DAB1: variants seen among roughly 807,000 people sequenced by gnomAD.
The protein encoded by DAB1 is DAB adaptor protein 1.
Under a neutral mutation model 64.6 loss-of-function variants are expected in DAB1, and 15 were observed. That is an observed-to-expected ratio of 0.23 (90% CI 0.16 to 0.36). The LOEUF (loss-of-function observed/expected upper bound fraction) is 0.36, where lower values mean the gene tolerates loss of function less well. DAB1 is among the 10% of genes least tolerant of loss of function. The pLI, the probability that DAB1 is intolerant of heterozygous loss-of-function variation, is 1.00. For missense variants in DAB1, 596 were observed against 706.7 expected (o/e 0.84, Z 1.78); for synonymous variants, 235 against 251.9 (o/e 0.93, Z 0.64).
chr1:57,690,134 A>G (rs1460219069), intron 6 of DAB1, among the ~76,000 whole-genome samples: 1 of 152,042 alleles, frequency 6.6e-6, no homozygotes, highest in Non-Finnish European at 1.5e-5. Context: ...AAAAGTACCC[A>G]TATTTTCTTT....
At chr1:57,661,251 C>T (rs1646383292) in intron 6 of DAB1, among the ~76,000 whole-genome samples, 1 of 152,192 alleles carries the variant, frequency 6.6e-6, no homozygotes, top group Non-Finnish European at 1.5e-5. Context: ...AGTGCAGGCA[C>T]TGTAGTGTAG....
chr1:58,215,999 G>C (rs1658828603), intron 4 of DAB1, among the ~76,000 whole-genome samples: 1 of 151,898 alleles, frequency 6.6e-6, no homozygotes. Flanking sequence ...ATGGATGGAT[G>C]GGTCAACAGA....
chr1:58,219,975 A>G (rs1659072447), intron 4 of DAB1, among the ~76,000 whole-genome samples: 1 of 152,262 alleles, frequency 6.6e-6, no homozygotes, highest in Non-Finnish European at 1.5e-5. Flanking sequence ...AATGATCCTC[A>G]GTTTCCTCAT....
At chr1:57,618,458 C>G (rs548497310) in intron 7 of DAB1, among the ~76,000 whole-genome samples, 1 of 149,516 alleles carries the variant, frequency 6.7e-6, no homozygotes, top group South Asian at 2.1e-4. Context: ...ACAAGTCTTC[C>G]TTTAGGGGTT....
chr1:57,108,907 T>C (rs1292332474), intron 4 of DAB1, among the ~76,000 whole-genome samples: 1 of 152,222 alleles, frequency 6.6e-6, no homozygotes, highest in Non-Finnish European at 1.5e-5. Context: ...GCCACCTGAC[T>C]GGTCACTGTC....
chr1:58,111,523 A>AT (rs892798901), intron 5 of DAB1, among the ~76,000 whole-genome samples: 2 of 152,174 alleles, frequency 1.3e-5, no homozygotes, highest in Non-Finnish European at 2.9e-5. Context: ...GGGATTTGAT[A>AT]TTTTTTCCAA....
intron 4 of DAB1, among the ~76,000 whole-genome samples, chr1:58,315,260 G>T (rs1354170799): frequency 6.6e-6 from 1 of 152,176 alleles, no homozygotes; most frequent in Admixed American, 6.5e-5. Flanking sequence ...CATACTGGCA[G>T]TAGGACCATG....
At chr1:58,380,323 C>T (rs943107040) in intron 3 of DAB1, among the ~76,000 whole-genome samples, 1 of 152,220 alleles carries the variant, frequency 6.6e-6, no homozygotes, top group African/African-American at 2.4e-5. Flanking sequence ...CTCTCTCTCA[C>T]CTGCCTCCAC....
chr1:57,899,657 T>A (rs1644444050), intron 5 of DAB1, among the ~76,000 whole-genome samples: 1 of 151,950 alleles, frequency 6.6e-6, no homozygotes, highest in African/African-American at 2.4e-5. Flanking sequence ...CAACAAGGAT[T>A]CCTTGTTTTC....
intron 9 of DAB1, among the ~76,000 whole-genome samples, chr1:57,057,196 C>T (rs1222494612): frequency 6.6e-6 from 1 of 151,784 alleles, no homozygotes; most frequent in Non-Finnish European, 1.5e-5. Flanking sequence ...GTAGAGAAGG[C>T]AACAAAAAAC....
chr1:57,294,476 A>G (rs74962740), intron 1 of DAB1, among the ~76,000 whole-genome samples: 1 of 144,012 alleles, frequency 6.9e-6, no homozygotes. Context: ...TTTTTTTTTT[A>G]AACAAAGCAT....
intron 5 of DAB1, among the ~76,000 whole-genome samples, chr1:57,963,883 C>T (rs1484049218): frequency 2.6e-5 from 4 of 152,182 alleles, no homozygotes; most frequent in Admixed American, 6.5e-5. Flanking sequence ...TGACAGCAAA[C>T]AAGTCACATA....
chr1:57,412,233 T>C (rs495678), intron 1 of DAB1, among the ~76,000 whole-genome samples: 2,366 of 152,310 alleles, frequency 0.016, 64 homozygotes, highest in African/African-American at 0.053. Flanking sequence ...CCCCTTCCTC[T>C]GGCCTCCCAA....
intron 4 of DAB1, among the ~76,000 whole-genome samples, chr1:58,261,062 G>A (rs989358496): frequency 2.0e-5 from 3 of 151,726 alleles, no homozygotes; most frequent in South Asian, 2.1e-4. Context: ...TATTTTTCTC[G>A]GGCTTATCAA....
chr1:58,403,661 G>A (rs2100565694), intron 3 of DAB1, among the ~76,000 whole-genome samples: 1 of 152,334 alleles, frequency 6.6e-6, no homozygotes. Context: ...GGAAGGGCAG[G>A]TATCCCACTT....
At chr1:58,344,283 A>G (rs1222269098) in intron 3 of DAB1, among the ~76,000 whole-genome samples, 1 of 152,200 alleles carries the variant, frequency 6.6e-6, no homozygotes, top group Non-Finnish European at 1.5e-5. Flanking sequence ...CTTGTGTTAA[A>G]GAATAAGGAA....
intron 1 of DAB1, among the ~76,000 whole-genome samples, chr1:57,300,078 T>A (rs1673515620): frequency 6.6e-6 from 1 of 152,164 alleles, no homozygotes; most frequent in Non-Finnish European, 1.5e-5. Flanking sequence ...GAATGTGCCC[T>A]ATACACCTTT....
chr1:58,361,161 G>A (rs1055027925), intron 3 of DAB1, among the ~76,000 whole-genome samples: 1 of 152,200 alleles, frequency 6.6e-6, no homozygotes, highest in Admixed American at 6.5e-5. Context: ...CAAGGAGGGA[G>A]ACCATGGGCC....
chr1:57,794,832 A>C (rs1650765508), intron 6 of DAB1, among the ~76,000 whole-genome samples: 1 of 152,184 alleles, frequency 6.6e-6, no homozygotes, highest in African/African-American at 2.4e-5. Flanking sequence ...CACTCTTCTC[A>C]CCTAGACCTA....
Sources: gnomAD v4.1 joint callset for allele counts (sites outside exome capture counted in the v4.1 genomes callset) on GRCh38, gnomAD v4.1.1 for gene constraint, MANE v1.5 for transcripts, NCBI Gene and HGNC (gene_info 2026-07-23, HGNC 2026-07-21) for gene names.